Variants in C10orf90 observed in about 807,000 individuals in gnomAD.
C10orf90 encodes the protein chromosome 10 open reading frame 90, also known as (E2-independent) E3 ubiquitin-conjugating enzyme FATS.
In C10orf90, 56 loss-of-function variants were observed where a neutral mutation model predicts 62.5. The ratio of observed to expected loss-of-function variants is 0.90; its 90% CI spans 0.72 to 1.12. The LOEUF is 1.12. Ranked by LOEUF, C10orf90 falls within the 50% of genes most tolerant of loss-of-function variation. The pLI is 0.00. For missense variants in C10orf90, 970 were observed against 880.4 expected (o/e 1.10, Z -1.29); for synonymous variants, 386 against 340.4 (o/e 1.13, Z -1.47).
At chr10:126,507,288 C>T (rs935015327) in intron 3 of C10orf90, among the ~76,000 whole-genome samples, 2 of 143,122 alleles carry the variant, frequency 1.4e-5, no homozygotes, top group Non-Finnish European at 3.0e-5. Flanking sequence ...ACCCGAGAGA[C>T]GGAGCTTGCA....
intron 2 of C10orf90, among the ~76,000 whole-genome samples, chr10:126,527,877 G>A (rs1248011557): frequency 3.3e-5 from 5 of 152,168 alleles, no homozygotes; most frequent in African/African-American, 7.2e-5. Flanking sequence ...TCAAAGTCAC[G>A]GCATGAGCAA....
At chr10:126,535,910 A>C (rs1864223291) in intron 2 of C10orf90, among the ~76,000 whole-genome samples, 1 of 152,182 alleles carries the variant, frequency 6.6e-6, no homozygotes, top group Non-Finnish European at 1.5e-5. Flanking sequence ...CTTCTCCAAG[A>C]ACCATCTGAC....
At chr10:126,603,885 GC>G (rs1171373839) in intron 2 of C10orf90, among the ~76,000 whole-genome samples, 1 of 152,160 alleles carries the variant, frequency 6.6e-6, no homozygotes, top group Non-Finnish European at 1.5e-5. Context: ...AGAGGGAGGA[GC>G]CCATCAAGGC....
At chr10:126,574,747 T>C (rs1591112367) in intron 2 of C10orf90, among the ~76,000 whole-genome samples, 1 of 152,046 alleles carries the variant, frequency 6.6e-6, no homozygotes, top group South Asian at 2.1e-4. Flanking sequence ...AAAAATAAAG[T>C]CTTAGTAAAC....
intron 1 of C10orf90, 129 bp downstream of exon 1, chr10:126,670,112 G>A (rs1846717709): frequency 2.9e-6 from 1 of 349,312 alleles, no homozygotes; most frequent in African/African-American, 2.1e-5. Context: ...AAATCCCTTA[G>A]GGAAGTCTAC....
intron 2 of C10orf90, among the ~76,000 whole-genome samples, chr10:126,610,538 A>G (rs7900526): frequency 0.046 from 7,055 of 152,290 alleles, 515 homozygotes; most frequent in African/African-American, 0.16. Context: ...AGATGCAGAT[A>G]ACACTCTGGG....
chr10:126,561,744 C>G (rs1864904906), intron 2 of C10orf90, among the ~76,000 whole-genome samples: 2 of 152,058 alleles, frequency 1.3e-5, no homozygotes, highest in Non-Finnish European at 2.9e-5. Context: ...ACAGAGAGGA[C>G]AGGCAAACAG....
chr10:126,590,254 C>A (rs918624530), intron 2 of C10orf90, among the ~76,000 whole-genome samples: 1 of 152,210 alleles, frequency 6.6e-6, no homozygotes, highest in Admixed American at 6.5e-5. Flanking sequence ...GACTTTAACA[C>A]CCCACTGACG....
intron 7 of C10orf90, among the ~76,000 whole-genome samples, chr10:126,442,505 A>ATATATATATATATATATATATATG (rs1590905259): frequency 9.0e-6 from 1 of 111,110 alleles, no homozygotes; most frequent in African/African-American, 3.5e-5. Context: ...ATATATATAT[A>ATATATATATATATATATATATATG]TATCTGTTAA....
At chr10:126,499,044 C>T (rs1862237198) in intron 4 of C10orf90, among the ~76,000 whole-genome samples, 1 of 152,224 alleles carries the variant, frequency 6.6e-6, no homozygotes, top group East Asian at 1.9e-4. Flanking sequence ...AATGCTAGAC[C>T]AGAAGTCAGT....
At chr10:126,461,729 T>G in intron 5 of C10orf90, 144 bp from the exon 6 acceptor site, 1 of 857,182 alleles carries the variant, frequency 1.2e-6, no homozygotes, top group Non-Finnish European at 1.7e-6. Context: ...GACAAGATCA[T>G]GCCTCATCAC....
intron 2 of C10orf90, chr10:126,521,536 T>G: frequency 8.2e-7 from 1 of 1,214,278 alleles, no homozygotes; most frequent in Non-Finnish European, 1.1e-6. Context: ...CCAGGGGAGG[T>G]GGCATACAAG....
chr10:126,459,274 G>GC, intron 6 of C10orf90, 57 bp from the exon 7 acceptor site: 1 of 1,586,444 alleles, frequency 6.3e-7, no homozygotes, highest in Non-Finnish European at 8.6e-7. Flanking sequence ...GAAAGGCAAC[G>GC]CATCTGTCTG....
intron 2 of C10orf90, among the ~76,000 whole-genome samples, chr10:126,516,790 A>G (rs1433298761): frequency 6.6e-6 from 1 of 152,186 alleles, no homozygotes; most frequent in African/African-American, 2.4e-5. Context: ...TCACTCGGCT[A>G]AAATCAAGGT....
chr10:126,442,483 A>ATATATATATATATATATATATC (rs1554886172), intron 7 of C10orf90, among the ~76,000 whole-genome samples: 6 of 71,712 alleles, frequency 8.4e-5, no homozygotes, highest in African/African-American at 3.0e-4. Context: ...TATTTCATAT[A>ATATATATATATATATATATATC]TATATATATA....
At chr10:126,526,135 C>T (rs1230200974) in intron 2 of C10orf90, among the ~76,000 whole-genome samples, 2 of 152,046 alleles carry the variant, frequency 1.3e-5, no homozygotes, top group Non-Finnish European at 2.9e-5. Context: ...GTCAGGCTCC[C>T]TCAGTCAAGT....
chr10:126,566,939 T>C (rs1844404977), intron 2 of C10orf90, among the ~76,000 whole-genome samples: 1 of 151,786 alleles, frequency 6.6e-6, no homozygotes, highest in South Asian at 2.1e-4. Context: ...GGGAGAAGAT[T>C]TGGGGGCAAG....
intron 2 of C10orf90, among the ~76,000 whole-genome samples, chr10:126,595,481 A>G (rs1026027894): frequency 1.3e-5 from 2 of 152,246 alleles, no homozygotes; most frequent in African/African-American, 4.8e-5. Context: ...TTCAATGTTT[A>G]AAATGCTGAA....
chr10:126,596,603 G>A lies in C10orf90; in HGVS notation c.313+49962C>T, dbSNP rs1198365415. The stretch of plus-strand genomic sequence containing the variant: ...AAGCTTAGCCTAGCCTACTTTCAAT[G>A]TACTCAGAACACTTACATTAGCCTA... On this transcript the variant is annotated intron_variant, in intron 2 of 9. Coordinates refer to ENST00000488181, the MANE Select transcript of C10orf90 (RefSeq NM_001350921.2). Among the ~76,000 whole-genome samples, 3 of 152,162 alleles carry A rather than the reference G, an allele frequency of 2.0e-5. No homozygotes were observed. In the South Asian group the frequency reaches 6.2e-4, roughly 32 times the overall value.
Sources: allele counts gnomAD v4.1 joint callset (sites outside exome capture counted in the v4.1 genomes callset), GRCh38; gene constraint gnomAD v4.1.1; transcripts MANE v1.5; gene names NCBI Gene and HGNC (gene_info 2026-07-23, HGNC 2026-07-21).